The following ADAM12 variants were observed in gnomAD, a reference collection of about 807,000 sequenced individuals.
ADAM12 encodes the protein disintegrin and metalloproteinase domain-containing protein 12.
ADAM12 carries 70 observed loss-of-function variants against 106.4 expected under a neutral mutation model. That is an observed-to-expected ratio of 0.66 (90% confidence interval 0.54 to 0.80). The LOEUF is 0.80. Ranked by LOEUF, ADAM12 falls within the 30% of genes least tolerant of loss-of-function variation. The probability of loss-of-function intolerance (pLI) is 0.00; values close to 1 mark genes in which losing one functional copy is unlikely to be tolerated. For synonymous variants in ADAM12, 420 were observed against 433.5 expected, an observed-to-expected ratio of 0.97 and a Z score of 0.39; for missense variants, 1,010 against 1,171.9, an observed-to-expected ratio of 0.86 and a Z score of 2.02.
In ADAM12 at chr10:126,214,045, G is replaced by T. The variant is rs192766690; in HGVS notation, c.261-58740C>A. Among the ~76,000 whole-genome samples, 280 of 152,242 alleles carry T rather than the reference G, an allele frequency of 1.8e-3. 1 individual carries two copies. The highest frequency in any genetic ancestry group is 6.5e-3 in the African/African-American group (270 of 41,552). ...CCCAATAAATCACTTCAAAAATATG[G>T]CTAAAATCAGGACACTGGAAACCAC... On this transcript the variant is annotated intron_variant, in intron 3 of 22. Coordinates refer to ENST00000448723, the MANE Select transcript of ADAM12 (RefSeq NM_001288973.2).
chr10:126,230,229 G>A (rs533599213), intron 3 of ADAM12, among the ~76,000 whole-genome samples: 7 of 152,208 alleles, frequency 4.6e-5, no homozygotes, highest in East Asian at 1.9e-4. Context: ...GGGTACACTC[G>A]TAGAGGGGTC....
intron 11 of ADAM12, among the ~76,000 whole-genome samples, chr10:126,074,281 G>T (rs1235379623): frequency 1.3e-5 from 2 of 152,144 alleles, no homozygotes; most frequent in African/African-American, 4.8e-5. Flanking sequence ...GGAAAAGAGT[G>T]GTCTGAATTG....
intron 6 of ADAM12, among the ~76,000 whole-genome samples, chr10:126,114,255 C>T (rs1018153362): frequency 2.4e-4 from 36 of 152,020 alleles, no homozygotes; most frequent in African/African-American, 8.5e-4. Flanking sequence ...AGGCTGAATC[C>T]GGCAAACTGA....
intron 8 of ADAM12, among the ~76,000 whole-genome samples, chr10:126,102,508 T>G (rs1189691661): frequency 1.3e-5 from 2 of 152,188 alleles, no homozygotes; most frequent in African/African-American, 4.8e-5. Context: ...CTGCTCAAAG[T>G]TGAACATCTG....
chr10:126,221,389 C>CAAAAAAAAAA (rs35766891), intron 3 of ADAM12, among the ~76,000 whole-genome samples: 1 of 100,712 alleles, frequency 9.9e-6, no homozygotes. Flanking sequence ...GACTCTGTCT[C>CAAAAAAAAAA]AAAAAAAAAA....
intron 3 of ADAM12, among the ~76,000 whole-genome samples, chr10:126,223,203 A>T (rs553800629): frequency 2.8e-4 from 42 of 152,294 alleles, no homozygotes; most frequent in African/African-American, 1.0e-3. Flanking sequence ...TTCTAAATAA[A>T]CTTGTGTTAT....
chr10:126,049,766 A>T lies in ADAM12; in HGVS notation c.1610-97T>A. On this transcript the variant is annotated intron_variant, in intron 14 of 22. Coordinates refer to ENST00000448723, the MANE Select transcript of ADAM12 (RefSeq NM_001288973.2). This position sits in a 1 kb window ranked among gnomAD's most constrained non-coding sequence, Gnocchi z 4.4. Reference sequence around the variant, plus strand: ...CAAATGGTTACGGGGAGACGTGCTCAAAGCAATCACACCCAGTGTCTGTCC... The same window carrying T: ...CAAATGGTTACGGGGAGACGTGCTCTAAGCAATCACACCCAGTGTCTGTCC... 9.2e-7 allele frequency: 1 copy of T among 1,086,154 alleles called. No homozygotes were observed. Among genetic ancestry groups the T allele is most frequent in the Non-Finnish European group, 1.3e-6 (1 of 748,286 alleles). The allele number at this position is 1,086,154 out of a possible 1,614,324, so 67.3% of individuals were successfully genotyped here.
At chr10:126,152,984 C>T (rs1956755274) in intron 4 of ADAM12, among the ~76,000 whole-genome samples, 1 of 152,108 alleles carries the variant, frequency 6.6e-6, no homozygotes, top group Admixed American at 6.6e-5. Context: ...TTTTAAGAAG[C>T]TTATTTAAAT....
At chr10:126,079,895 T>C (rs1316313243) in intron 11 of ADAM12, among the ~76,000 whole-genome samples, 1 of 152,200 alleles carries the variant, frequency 6.6e-6, no homozygotes, top group Admixed American at 6.5e-5. Context: ...AAGACTGCTA[T>C]GGCTCACTTA....
intron 11 of ADAM12, among the ~76,000 whole-genome samples, chr10:126,073,539 C>T (rs1383579664): frequency 2.1e-5 from 3 of 145,302 alleles, no homozygotes; most frequent in African/African-American, 7.4e-5. Context: ...TCTTTTGATC[C>T]TCTCCTTTCC....
At chr10:126,084,071 A>T (rs1256512286) in intron 11 of ADAM12, among the ~76,000 whole-genome samples, 2 of 152,238 alleles carry the variant, frequency 1.3e-5, no homozygotes, top group African/African-American at 2.4e-5. Context: ...CCCAGAATGC[A>T]GCCATCTGCA....
chr10:126,060,835 C>T (rs940253652), intron 14 of ADAM12, among the ~76,000 whole-genome samples: 22 of 152,198 alleles, frequency 1.4e-4, no homozygotes, highest in African/African-American at 5.1e-4. Flanking sequence ...AAGTGTGTCA[C>T]TCTGGCAGAG....
chr10:126,199,715 A>AT (rs1957662894), intron 3 of ADAM12, among the ~76,000 whole-genome samples: 2 of 152,222 alleles, frequency 1.3e-5, no homozygotes, highest in Non-Finnish European at 2.9e-5. Flanking sequence ...AATGGAATAC[A>AT]TATAAAGTTT....
At chr10:126,237,548 T>G (rs1302227496) in intron 3 of ADAM12, among the ~76,000 whole-genome samples, 1 of 152,236 alleles carries the variant, frequency 6.6e-6, no homozygotes, top group Non-Finnish European at 1.5e-5. Flanking sequence ...ACATTTCTTA[T>G]CTACAATATC....
intron 11 of ADAM12, among the ~76,000 whole-genome samples, chr10:126,090,039 C>T (rs1435876036): frequency 6.6e-6 from 1 of 152,156 alleles, no homozygotes; most frequent in Admixed American, 6.5e-5. Context: ...ATCCTCCTGC[C>T]TTGGCCTCCC....
intron 21 of ADAM12, among the ~76,000 whole-genome samples, chr10:126,034,870 A>C (rs1260531465): frequency 6.6e-6 from 1 of 152,204 alleles, no homozygotes; most frequent in Non-Finnish European, 1.5e-5. Flanking sequence ...ATATCAGATA[A>C]AGTAGATTTT....
At chr10:126,232,456 T>C (rs1958330911) in intron 3 of ADAM12, among the ~76,000 whole-genome samples, 1 of 152,198 alleles carries the variant, frequency 6.6e-6, no homozygotes, top group Non-Finnish European at 1.5e-5. Flanking sequence ...ACCTCCAGAA[T>C]GGTATGACAA....
intron 2 of ADAM12, among the ~76,000 whole-genome samples, chr10:126,326,551 A>ATC (rs1854310929): frequency 6.6e-6 from 1 of 152,158 alleles, no homozygotes; most frequent in Non-Finnish European, 1.5e-5. Context: ...GTCCGTGGTC[A>ATC]GAGTGTGGAC....
chr10:126,263,949 G>A (rs1392425517), intron 3 of ADAM12, among the ~76,000 whole-genome samples: 1 of 152,128 alleles, frequency 6.6e-6, no homozygotes, highest in Non-Finnish European at 1.5e-5. Flanking sequence ...ACCCTATTTG[G>A]TAAGATAATG....
Sources: gnomAD v4.1 joint callset for allele counts (sites outside exome capture counted in the v4.1 genomes callset) on GRCh38, gnomAD v4.1.1 for gene constraint, Gnocchi (gnomAD v3.1) non-coding constraint, MANE v1.5 for transcripts, NCBI Gene and HGNC (gene_info 2026-07-23, HGNC 2026-07-21) for gene names.